DCHS2: variants seen among roughly 807,000 people sequenced by gnomAD.
DCHS2 encodes protocadherin-23.
DCHS2 carries 142 observed loss-of-function variants against 182.4 expected under a neutral mutation model. That is an observed-to-expected ratio of 0.78 (90% CI 0.68 to 0.89). The LOEUF (loss-of-function observed/expected upper bound fraction) is 0.89, where lower values mean the gene tolerates loss of function less well. DCHS2 is among the 40% of genes least tolerant of loss of function. The pLI is 0.00. For missense variants in DCHS2, 4,319 were observed against 4,198.6 expected (o/e 1.03, Z -0.79); for synonymous variants, 1,740 against 1,663.3 (o/e 1.05, Z -1.12).
At chr4:154,287,404 C>T (rs1844664) in intron 13 of DCHS2, among the ~76,000 whole-genome samples, 85,403 of 151,952 alleles carry the variant, frequency 0.56, 24,289 homozygotes, top group Admixed American at 0.64. Flanking sequence ...AACAACTTTT[C>T]AAGACATAGT....
At chr4:154,302,117 T>C (rs1356844530) in intron 12 of DCHS2, among the ~76,000 whole-genome samples, 1 of 152,158 alleles carries the variant, frequency 6.6e-6, no homozygotes, top group Non-Finnish European at 1.5e-5. Context: ...GTCCATTACG[T>C]TATGGTAAAA....
intron 3 of DCHS2, among the ~76,000 whole-genome samples, chr4:154,347,680 A>G (rs745827341): frequency 2.3e-4 from 35 of 151,890 alleles, no homozygotes; most frequent in Non-Finnish European, 4.6e-4. Context: ...GCACCAAGAA[A>G]TAATCAATAA....
intron 4 of DCHS2, 64 bp downstream of exon 4, chr4:154,334,804 C>T: frequency 7.4e-7 from 1 of 1,344,032 alleles, no homozygotes; most frequent in Non-Finnish European, 1.1e-6. Context: ...ATTGTACCGC[C>T]TACAAAAAAA....
Position 154,231,860 on chromosome 4 carries a change from G to T in DCHS2, c.*2676C>A, listed in dbSNP as rs1731218752. ...TTAATAATTTTTAAAAGAGTTAAAT[G>T]ATCAAATCCCTAAAGATACAGCATT... On this transcript the variant is annotated 3_prime_UTR_variant, in exon 20 of 20. Transcript: ENST00000357232. 6.6e-6 allele frequency: 1 copy of T among 152,092 alleles called. No homozygotes were observed. Among genetic ancestry groups the T allele is most frequent in the Non-Finnish European group, 1.5e-5 (1 of 67,990 alleles). The allele number at this position is 152,092 out of a possible 1,614,324, so 9.4% of individuals were successfully genotyped here. A position where few individuals can be genotyped will look rare whatever the true frequency, so the allele number is the denominator to read the frequency against.
At chr4:154,297,051 G>T (rs779824112) in intron 13 of DCHS2, among the ~76,000 whole-genome samples, 1 of 152,156 alleles carries the variant, frequency 6.6e-6, no homozygotes, top group Non-Finnish European at 1.5e-5. Context: ...TCTAAAATAT[G>T]ATCTGGCAGT....
At chr4:154,252,374 A>G (rs1413417294) in intron 16 of DCHS2, among the ~76,000 whole-genome samples, 1 of 152,112 alleles carries the variant, frequency 6.6e-6, no homozygotes, top group African/African-American at 2.4e-5. Flanking sequence ...TAAACGTATA[A>G]TTAAATTTTT....
rs763439871 is a variant in DCHS2 at position 154,298,017 on chromosome 4, T to C, written c.6297A>G (p.Pro2099=). Residue 2099 remains proline (P), a synonymous_variant, in exon 13 of 20, where the codon CCA becomes CCG. Coordinates refer to ENST00000357232, the MANE Select transcript of DCHS2 (RefSeq NM_001358235.2). ...GCCAGATAGGGAAGTATTCTGAAGA[T>C]GGATTTTGCTGAAATTGAATTTCTC... ...YTGEIQFQQN[P]SSEYFPIWLQ... The C allele has an allele frequency of 3.7e-6, 6 of 1,614,084 alleles. No homozygotes were observed. The highest frequency in any genetic ancestry group is 1.7e-5 in the Admixed American group (1 of 60,014).
chr4:154,366,951 C>G (rs6837721), intron 2 of DCHS2, among the ~76,000 whole-genome samples: 356 of 152,260 alleles, frequency 2.3e-3, no homozygotes, highest in Middle Eastern at 3.4e-3. Context: ...GGGGGGTGCC[C>G]TGGTGAAGCC....
rs1250711928 is a variant in DCHS2, at chr4:154,489,432, G to A, written c.1924C>T (p.Pro642Ser). The A allele has an allele frequency of 1.3e-6, 2 of 1,551,734 alleles. No homozygotes were observed. The highest frequency in any genetic ancestry group is 1.7e-6 in the Non-Finnish European group (2 of 1,147,002). ...CTCACCAGGCAGGTGGCAGAGAGTG[G>A]GGGCTCTCCGAGGTCCTGGGCCACC... ...KVVAQDLGEPPLSATCLVSIT... is the reference protein window; with the variant it reads ...KVVAQDLGEPSLSATCLVSIT... The change falls in exon 1 of 20, where the codon CCA (proline) becomes TCA (serine). Residue 642 changes from proline to serine, a missense_variant. Pro to Ser is a moderately conservative substitution (Grantham distance 74). Transcript: ENST00000357232.
chr4:154,480,914 C>T (rs1330313465), intron 1 of DCHS2, among the ~76,000 whole-genome samples: 1 of 152,152 alleles, frequency 6.6e-6, no homozygotes, highest in African/African-American at 2.4e-5. Context: ...AGACATGAGC[C>T]ACTGCCTGGC....
intron 15 of DCHS2, among the ~76,000 whole-genome samples, chr4:154,258,163 T>G (rs1283828500): frequency 1.3e-5 from 2 of 152,100 alleles, no homozygotes; most frequent in Non-Finnish European, 2.9e-5. Flanking sequence ...ACACAGCACA[T>G]CTGGAACAGG....
chr4:154,288,290 A>G (rs1470964152), intron 13 of DCHS2, among the ~76,000 whole-genome samples: 3 of 152,222 alleles, frequency 2.0e-5, no homozygotes, highest in African/African-American at 7.2e-5. Flanking sequence ...TATATCATAT[A>G]CAATAGATTT....
intron 16 of DCHS2, among the ~76,000 whole-genome samples, chr4:154,253,190 A>AGTGT (rs1371660809): frequency 1.1e-4 from 17 of 148,772 alleles, no homozygotes; most frequent in African/African-American, 4.0e-4. Context: ...AGAGAGAGAG[A>AGTGT]GAGTGTGTGT....
At chr4:154,453,389 T>A (rs1350780068) in intron 1 of DCHS2, among the ~76,000 whole-genome samples, 1 of 151,648 alleles carries the variant, frequency 6.6e-6, no homozygotes, top group Non-Finnish European at 1.5e-5. Context: ...TAGGAAATCA[T>A]AAAGATTTTT....
chr4:154,236,127 T>C lies in DCHS2; in HGVS notation c.8525A>G (p.Tyr2842Cys). ...GDIHAKQILDYENGNKYCLTV... is the reference protein window; with the variant it reads ...GDIHAKQILDCENGNKYCLTV... Reference sequence around the variant, plus strand: ...GAGGCAGTATTTATTGCCATTTTCATAGTCAAGGATTTGCTTAGCATGAAT... The same window carrying C: ...GAGGCAGTATTTATTGCCATTTTCACAGTCAAGGATTTGCTTAGCATGAAT... Residue 2842 changes from tyrosine (Y) to cysteine (C), a missense_variant, in exon 20 of 20, where the codon TAT becomes TGT. Transcript: ENST00000357232. 5 of 1,613,768 alleles carry C rather than the reference T, an allele frequency of 3.1e-6. No homozygotes were observed. The highest frequency in any genetic ancestry group is 1.3e-5 in the African/African-American group (1 of 75,042).
Position 154,333,362 on chromosome 4 carries a change from G to A in DCHS2, c.2846C>T (p.Thr949Met), listed in dbSNP as rs757604120. 76 of 1,614,052 alleles carry A rather than the reference G, an allele frequency of 4.7e-5. 1 individual carries two copies. The Admixed American group carries it at 5.3e-4, about 11-fold the overall frequency. The change falls in exon 5 of 20, where the codon ACG becomes ATG. Residue 949 changes from threonine (T) to methionine (M), a missense_variant. Transcript: ENST00000357232. ...DHETQPVVVLTVQAQLGSAPA... is the reference protein window; with the variant it reads ...DHETQPVVVLMVQAQLGSAPA... Reference sequence around the variant, plus strand: ...GGCGCTGCCGAGCTGCGCCTGCACCGTGAGCACAACCACGGGCTGCGTCTC... The same window carrying A: ...GGCGCTGCCGAGCTGCGCCTGCACCATGAGCACAACCACGGGCTGCGTCTC...
chr4:154,322,614 C>T, intron 7 of DCHS2, 126 bp from the exon 8 acceptor site: 1 of 1,189,932 alleles, frequency 8.4e-7, no homozygotes, highest in East Asian at 2.8e-5. Flanking sequence ...AGTATGAACA[C>T]AAAAATGACA....
At chr4:154,324,958 G>A (rs1409262323) in intron 7 of DCHS2, among the ~76,000 whole-genome samples, 2 of 151,868 alleles carry the variant, frequency 1.3e-5, no homozygotes, top group African/African-American at 4.8e-5. Flanking sequence ...TTTACTATCA[G>A]ATAAAAAATA....
intron 1 of DCHS2, among the ~76,000 whole-genome samples, chr4:154,483,405 A>G (rs1385323518): frequency 6.6e-6 from 1 of 152,220 alleles, no homozygotes; most frequent in Non-Finnish European, 1.5e-5. Flanking sequence ...GTGATTCCAG[A>G]TTACAGGGGA....
Sources: gnomAD v4.1 joint callset for allele counts (sites outside exome capture counted in the v4.1 genomes callset) on GRCh38, gnomAD v4.1.1 for gene constraint, MANE v1.5 for transcripts, NCBI Gene and HGNC (gene_info 2026-07-23, HGNC 2026-07-21) for gene names.